The following PAPPA2 variants were observed in gnomAD, a reference collection of about 807,000 sequenced individuals.
PAPPA2 encodes the protein pappalysin 2, also known as pappalysin-2.
In PAPPA2, 86 loss-of-function variants were observed where a neutral mutation model predicts 176.4. The ratio of observed to expected loss-of-function variants is 0.49; its 90% confidence interval spans 0.41 to 0.58. PAPPA2 has a LOEUF of 0.58. PAPPA2 is among the 20% of genes least tolerant of loss of function. The probability of loss-of-function intolerance (pLI) is 0.00; values close to 1 mark genes in which losing one functional copy is unlikely to be tolerated. For synonymous variants in PAPPA2, 809 were observed against 852.2 expected (o/e 0.95, Z 0.88); for missense variants, 2,073 against 2,256.9 (o/e 0.92, Z 1.65).
At chr1:176,471,388 G>C (rs1651864722) in intron 1 of PAPPA2, among the ~76,000 whole-genome samples, 1 of 152,180 alleles carries the variant, frequency 6.6e-6, no homozygotes, top group Non-Finnish European at 1.5e-5. Flanking sequence ...AACACACTGT[G>C]TGTGTCTGTG....
intron 3 of PAPPA2, among the ~76,000 whole-genome samples, chr1:176,633,165 A>G (rs990720629): frequency 2.6e-5 from 4 of 152,224 alleles, no homozygotes; most frequent in Non-Finnish European, 4.4e-5. Context: ...AGCGGCAGTC[A>G]GAGTGCATTA....
chr1:176,781,696 A>G lies in PAPPA2; in HGVS notation c.4716-8113A>G, dbSNP rs143486141. Among the ~76,000 whole-genome samples the G allele has an allele frequency of 4.3e-4, 65 of 152,126 alleles. No homozygotes were observed. The East Asian group carries it at 0.012, about 29-fold the overall frequency. Reference sequence around the variant, plus strand: ...CGTGTCTTTTAAAATGGTCTAGATCACTGTTTCTCAGTCTTTAATATGCAT... The same window carrying G: ...CGTGTCTTTTAAAATGGTCTAGATCGCTGTTTCTCAGTCTTTAATATGCAT... On this transcript the variant is annotated intron_variant, in intron 17 of 22. Coordinates refer to ENST00000367662, the MANE Select transcript of PAPPA2 (RefSeq NM_020318.3).
At chr1:176,674,734 G>GTTTTTTTTTT (rs765026167) in intron 4 of PAPPA2, among the ~76,000 whole-genome samples, 1 of 137,268 alleles carries the variant, frequency 7.3e-6, no homozygotes. Flanking sequence ...GTGTGCAAGT[G>GTTTTTTTTTT]TTTTTTTTTT....
At chr1:176,740,234 T>G (rs762332744) in intron 14 of PAPPA2, 38 bp downstream of exon 14, 1 of 1,573,986 alleles carries the variant, frequency 6.4e-7, no homozygotes, top group Admixed American at 1.7e-5. Context: ...TTCCTTTTCT[T>G]GTGGCTCTAA....
intron 21 of PAPPA2, among the ~76,000 whole-genome samples, chr1:176,802,758 A>G (rs1367146454): frequency 6.6e-6 from 1 of 152,212 alleles, no homozygotes; most frequent in African/African-American, 2.4e-5. Flanking sequence ...CCACCAGCTC[A>G]GTATCCTCAG....
chr1:176,817,523 G>T (rs992462085), intron 21 of PAPPA2, among the ~76,000 whole-genome samples: 4 of 152,146 alleles, frequency 2.6e-5, no homozygotes, highest in African/African-American at 9.7e-5. Context: ...AAGCAGAATG[G>T]TTAGGAGACG....
intron 1 of PAPPA2, among the ~76,000 whole-genome samples, chr1:176,465,295 T>C (rs1651564828): frequency 6.6e-6 from 1 of 152,190 alleles, no homozygotes; most frequent in African/African-American, 2.4e-5. Context: ...TAAAAGTGTA[T>C]GGAGAGGCAT....
At chr1:176,593,313 G>A (rs907489804) in intron 2 of PAPPA2, among the ~76,000 whole-genome samples, 3 of 152,120 alleles carry the variant, frequency 2.0e-5, no homozygotes, top group Non-Finnish European at 2.9e-5. Flanking sequence ...AGGAGGTCAG[G>A]GAACAAATAA....
intron 21 of PAPPA2, among the ~76,000 whole-genome samples, chr1:176,820,873 C>A (rs1571376608): frequency 1.3e-5 from 2 of 151,952 alleles, no homozygotes; most frequent in East Asian, 3.9e-4. Context: ...ATGTTCTAAC[C>A]CAGGAATGTA....
At chr1:176,686,404 A>G (rs1229247616) in intron 4 of PAPPA2, among the ~76,000 whole-genome samples, 2 of 152,164 alleles carry the variant, frequency 1.3e-5, no homozygotes, top group Non-Finnish European at 2.9e-5. Flanking sequence ...AGCATAAGGG[A>G]AACTGCCCCC....
chr1:176,786,676 TG>T (rs1664948010), intron 17 of PAPPA2, among the ~76,000 whole-genome samples: 1 of 152,222 alleles, frequency 6.6e-6, no homozygotes, highest in South Asian at 2.1e-4. Context: ...GAGCCTGACG[TG>T]GCAGGAGGAC....
intron 17 of PAPPA2, 112 bp downstream of exon 17, chr1:176,771,292 G>A: frequency 9.4e-7 from 1 of 1,064,686 alleles, no homozygotes; most frequent in Non-Finnish European, 1.4e-6. Context: ...AGTCATGACA[G>A]GCAGGCAACC....
At chr1:176,638,801 T>C (rs1473393645) in intron 3 of PAPPA2, among the ~76,000 whole-genome samples, 2 of 152,114 alleles carry the variant, frequency 1.3e-5, no homozygotes, top group Middle Eastern at 3.4e-3. Flanking sequence ...TATAGACCTT[T>C]TTATATCTGG....
At chr1:176,566,793 A>G (rs192954880) in intron 2 of PAPPA2, among the ~76,000 whole-genome samples, 1 of 152,288 alleles carries the variant, frequency 6.6e-6, no homozygotes, top group East Asian at 1.9e-4. Flanking sequence ...TGATTCACTC[A>G]GAATGTGTGT....
chr1:176,763,498 G>C (rs2102903121), intron 14 of PAPPA2, among the ~76,000 whole-genome samples: 1 of 152,264 alleles, frequency 6.6e-6, no homozygotes, highest in East Asian at 1.9e-4. Flanking sequence ...TTCTCACTTT[G>C]ATAGCTATGG....
rs1314269237 is a variant in PAPPA2 at position 176,739,574 on chromosome 1, C to A, written c.3799-52C>A. On this transcript the variant is annotated intron_variant, in intron 12 of 22. Coordinates refer to ENST00000367662, the MANE Select transcript of PAPPA2 (RefSeq NM_020318.3). ...AGAATAAAAATTGTATAGCACATGTCTTGATAGCTCAATGGAAATAATGAC... is the reference window on the plus strand; with the variant it reads ...AGAATAAAAATTGTATAGCACATGTATTGATAGCTCAATGGAAATAATGAC... 1.2e-5 allele frequency: 19 copies of A among 1,562,278 alleles called. 1 individual carries two copies. In the South Asian group the frequency reaches 2.3e-4, roughly 19 times the overall value.
intron 3 of PAPPA2, chr1:176,616,832 TA>T: frequency 1.6e-6 from 1 of 624,528 alleles, no homozygotes; most frequent in Non-Finnish European, 2.8e-6. Flanking sequence ...ATGAAATAAT[TA>T]AAAAATTGAA....
chr1:176,555,012 A>T (rs953381545), intron 1 of PAPPA2, among the ~76,000 whole-genome samples: 5 of 150,634 alleles, frequency 3.3e-5, no homozygotes, highest in African/African-American at 7.3e-5. Context: ...AGAGAGAGAG[A>T]GAGAGAGAGA....
intron 15 of PAPPA2, 102 bp downstream of exon 15, chr1:176,765,939 C>A: frequency 7.1e-7 from 1 of 1,414,414 alleles, no homozygotes; most frequent in East Asian, 2.4e-5. Flanking sequence ...TGTTTTTAAA[C>A]CATTTGAAAG....
Sources: gnomAD v4.1 joint callset for allele counts (sites outside exome capture counted in the v4.1 genomes callset) on GRCh38, gnomAD v4.1.1 for gene constraint, MANE v1.5 for transcripts, NCBI Gene and HGNC (gene_info 2026-07-23, HGNC 2026-07-21) for gene names.